The following TRHDE variants were observed in gnomAD, a reference collection of about 807,000 sequenced individuals.
The protein encoded by TRHDE is thyrotropin-releasing hormone-degrading ectoenzyme.
In TRHDE, 72 loss-of-function variants were observed where a neutral mutation model predicts 125.7. The observed-to-expected ratio is 0.57, with a 90% CI of 0.47 to 0.70. The LOEUF is 0.70. Among genes scored for constraint, TRHDE ranks in the 30% least tolerant of loss-of-function variants. The probability of loss-of-function intolerance (pLI) is 0.00; values close to 1 mark genes in which losing one functional copy is unlikely to be tolerated. For synonymous variants in TRHDE, 509 were observed against 509.1 expected (o/e 1.00, Z 0.00); for missense variants, 1,110 against 1,327.1 (o/e 0.84, Z 2.54).
intron 2 of TRHDE, among the ~76,000 whole-genome samples, chr12:72,294,686 T>C (rs968667409): frequency 4.2e-4 from 64 of 152,168 alleles, no homozygotes; most frequent in African/African-American, 1.5e-3. Flanking sequence ...GCCTGTTCCC[T>C]GCTCACTGGG....
chr12:72,094,716 G>A (rs954741261), intron 1 of TRHDE, among the ~76,000 whole-genome samples: 10 of 152,340 alleles, frequency 6.6e-5, no homozygotes. Context: ...TGGTTCTGGT[G>A]GCCAGATCAA....
intron 3 of TRHDE, among the ~76,000 whole-genome samples, chr12:72,460,284 A>G (rs982931324): frequency 3.3e-5 from 5 of 152,162 alleles, no homozygotes; most frequent in African/African-American, 1.2e-4. Context: ...AGGTGAGGAA[A>G]ATGATGGGTA....
At chr12:72,088,893 C>A (rs1455229432) in intron 1 of TRHDE, among the ~76,000 whole-genome samples, 10 of 152,096 alleles carry the variant, frequency 6.6e-5, no homozygotes, top group Non-Finnish European at 1.2e-4. Flanking sequence ...TATGCTAATT[C>A]CTAAATATGT....
chr12:72,310,930 GA>G (rs988339287), intron 2 of TRHDE, among the ~76,000 whole-genome samples: 3 of 152,038 alleles, frequency 2.0e-5, no homozygotes, highest in Non-Finnish European at 4.4e-5. Flanking sequence ...TATTATTGGA[GA>G]AAAAATCAGA....
intron 3 of TRHDE, among the ~76,000 whole-genome samples, chr12:72,418,790 C>T (rs2135823848): frequency 6.6e-6 from 1 of 152,216 alleles, no homozygotes; most frequent in African/African-American, 2.4e-5. Flanking sequence ...CTTATTGTTT[C>T]AAATCATGTG....
At chr12:72,445,969 T>G (rs1192695389) in intron 3 of TRHDE, among the ~76,000 whole-genome samples, 1 of 151,856 alleles carries the variant, frequency 6.6e-6, no homozygotes. Context: ...GCTCTCCATT[T>G]ATTTACAGGT....
intron 2 of TRHDE, among the ~76,000 whole-genome samples, chr12:72,244,939 A>G (rs1272410247): frequency 1.3e-5 from 2 of 152,138 alleles, no homozygotes; most frequent in African/African-American, 4.8e-5. Context: ...ATCCTTTGTA[A>G]CCATTTATAC....
chr12:72,355,651 A>G (rs1051781851), intron 2 of TRHDE, among the ~76,000 whole-genome samples: 2 of 151,884 alleles, frequency 1.3e-5, no homozygotes, highest in African/African-American at 4.8e-5. Flanking sequence ...TTTGCAAACT[A>G]TTCATCTGAC....
intron 3 of TRHDE, among the ~76,000 whole-genome samples, chr12:72,414,783 AT>A (rs1873660997): frequency 6.6e-6 from 1 of 152,102 alleles, no homozygotes; most frequent in African/African-American, 2.4e-5. Flanking sequence ...GGAGAACATA[AT>A]TTATTCATTT....
chr12:72,328,921 T>C (rs976203124), intron 2 of TRHDE, among the ~76,000 whole-genome samples: 1 of 152,190 alleles, frequency 6.6e-6, no homozygotes, highest in South Asian at 2.1e-4. Context: ...AAATAACTTA[T>C]CCTTTATATA....
chr12:72,357,046 G>A (rs1268707034), intron 2 of TRHDE, among the ~76,000 whole-genome samples: 2 of 151,404 alleles, frequency 1.3e-5, no homozygotes, highest in Non-Finnish European at 3.0e-5. Flanking sequence ...TCTGTATTCA[G>A]TTCTCTCTGC....
chr12:72,396,743 A>AAAAC (rs144544731), intron 3 of TRHDE, among the ~76,000 whole-genome samples: 76 of 152,022 alleles, frequency 5.0e-4, no homozygotes, highest in Admixed American at 2.6e-3. Flanking sequence ...ACTCCATCTC[A>AAAAC]AAACAAACAA....
intron 3 of TRHDE, among the ~76,000 whole-genome samples, chr12:72,427,205 CT>C (rs1312319324): frequency 6.6e-6 from 1 of 152,036 alleles, no homozygotes; most frequent in Admixed American, 6.6e-5. Flanking sequence ...TTGCCAACCC[CT>C]GATCTAGACA....
intron 2 of TRHDE, among the ~76,000 whole-genome samples, chr12:72,224,083 T>TCC (rs1878056104): frequency 9.3e-5 from 5 of 53,500 alleles, no homozygotes; most frequent in African/African-American, 4.5e-4. Context: ...TCTATCCATC[T>TCC]ATCTATCCAT....
intron 2 of TRHDE, among the ~76,000 whole-genome samples, chr12:72,321,902 G>A (rs1191108674): frequency 1.3e-5 from 2 of 151,930 alleles, no homozygotes; most frequent in African/African-American, 4.8e-5. Flanking sequence ...CCCCCTAAGA[G>A]TCCTAGAGGC....
intron 1 of TRHDE, among the ~76,000 whole-genome samples, chr12:72,279,511 C>CTACT (rs1879616640): frequency 1.3e-5 from 2 of 152,166 alleles, no homozygotes; most frequent in South Asian, 4.1e-4. Context: ...ATCCTACTTT[C>CTACT]TACTACAGGA....
chr12:72,355,044 A>G (rs1391802879), intron 2 of TRHDE, among the ~76,000 whole-genome samples: 4 of 151,470 alleles, frequency 2.6e-5, no homozygotes, highest in Non-Finnish European at 5.9e-5. Context: ...GCTTTGTGTC[A>G]ATTCCTCTTC....
At chr12:72,559,741 C>G (rs761082183) in intron 7 of TRHDE, among the ~76,000 whole-genome samples, 3 of 152,120 alleles carry the variant, frequency 2.0e-5, no homozygotes, top group Non-Finnish European at 4.4e-5. Context: ...AGATTTATAT[C>G]TCTAAGGACT....
chr12:72,622,055 A>G lies in TRHDE; in HGVS notation c.2675+304A>G, dbSNP rs569327682. ...TCTGCTATCTCATAAGAACAAAATA[A>G]TGAAATTCAATCCAGACTCTTTCAG... On this transcript the variant is annotated intron_variant, in intron 15 of 18. Coordinates refer to ENST00000261180, the MANE Select transcript of TRHDE (RefSeq NM_013381.3). Among the ~76,000 whole-genome samples the G allele has an allele frequency of 3.3e-5, 5 of 152,250 alleles. No individual in the cohort carries two copies. The South Asian group carries it at 8.3e-4, about 25-fold the overall frequency.
Sources: gnomAD v4.1 joint callset for allele counts (sites outside exome capture counted in the v4.1 genomes callset) on GRCh38, gnomAD v4.1.1 for gene constraint, MANE v1.5 for transcripts, NCBI Gene and HGNC (gene_info 2026-07-23, HGNC 2026-07-21) for gene names.